Variants in SGCG observed in about 807,000 individuals in gnomAD.
The protein encoded by SGCG is sarcoglycan gamma, also known as gamma-sarcoglycan.
In SGCG, 26 loss-of-function variants were observed where a neutral mutation model predicts 29.3. That is an observed-to-expected ratio of 0.89 (90% CI 0.65 to 1.23). The LOEUF (loss-of-function observed/expected upper bound fraction) is 1.23. SGCG is among the 50% of genes most tolerant of loss of function. The pLI, the probability that SGCG is intolerant of heterozygous loss-of-function variation, is 0.00. For missense variants in SGCG, 353 were observed against 356.0 expected (o/e 0.99, Z 0.07); for synonymous variants, 145 against 129.7 (o/e 1.12, Z -0.80).
At chr13:23,259,612 T>G (rs2137583872) in intron 4 of SGCG, among the ~76,000 whole-genome samples, 1 of 152,322 alleles carries the variant, frequency 6.6e-6, no homozygotes, top group Non-Finnish European at 1.5e-5. Flanking sequence ...CTCTTGCTTC[T>G]CTAGTTCTTT....
rs9510675 is a variant in SGCG, at chr13:23,288,275, C to G, written c.506-7140C>G. ...TCACTCTGAGGACTGGAAAGAAAAT[C>G]CAATTCTTTGCTTCTTTTCTCCGCC... On this transcript the variant is annotated intron_variant, in intron 5 of 7. Transcript: ENST00000218867. Among the ~76,000 whole-genome samples the G allele has an allele frequency of 7.2e-5, 11 of 152,050 alleles. 1 individual carries two copies. In the East Asian group the frequency reaches 1.4e-3, roughly 19 times the overall value.
intron 5 of SGCG, among the ~76,000 whole-genome samples, chr13:23,285,768 A>G (rs1881473325): frequency 7.6e-6 from 1 of 131,850 alleles, no homozygotes; most frequent in South Asian, 2.6e-4. Flanking sequence ...CCTGGTCTGC[A>G]GGTTGCGAAG....
chr13:23,318,175 C>T (rs1182265025), intron 6 of SGCG, among the ~76,000 whole-genome samples: 1 of 147,398 alleles, frequency 6.8e-6, no homozygotes, highest in African/African-American at 2.4e-5. Flanking sequence ...TTAATAAACT[C>T]CCCTTCCTAC....
At chr13:23,316,592 A>G (rs1433071464) in intron 6 of SGCG, among the ~76,000 whole-genome samples, 1 of 152,164 alleles carries the variant, frequency 6.6e-6, no homozygotes, top group Non-Finnish European at 1.5e-5. Context: ...TCAGCGTCCA[A>G]TATGTGGTAC....
At chr13:23,241,821 G>A (rs1318152923) in intron 3 of SGCG, among the ~76,000 whole-genome samples, 2 of 152,130 alleles carry the variant, frequency 1.3e-5, no homozygotes, top group Non-Finnish European at 2.9e-5. Context: ...TCAATAGAAT[G>A]AAGGACAAAA....
intron 2 of SGCG, among the ~76,000 whole-genome samples, chr13:23,234,365 T>G (rs1436621242): frequency 6.6e-6 from 1 of 152,208 alleles, no homozygotes; most frequent in Non-Finnish European, 1.5e-5. Flanking sequence ...GGTGATGGGC[T>G]CTTGAGTATT....
chr13:23,271,480 T>A (rs1880875592), intron 4 of SGCG, among the ~76,000 whole-genome samples: 1 of 152,212 alleles, frequency 6.6e-6, no homozygotes, highest in Non-Finnish European at 1.5e-5. Flanking sequence ...TGAGCTGAAT[T>A]CAAAGCTGTC....
intron 5 of SGCG, among the ~76,000 whole-genome samples, chr13:23,282,163 T>C (rs1050207970): frequency 6.6e-6 from 1 of 152,204 alleles, no homozygotes; most frequent in Non-Finnish European, 1.5e-5. Context: ...GAGCAGACCA[T>C]AACTCTTCTC....
At chr13:23,206,013 A>G (rs1877967963) in intron 2 of SGCG, among the ~76,000 whole-genome samples, 1 of 152,212 alleles carries the variant, frequency 6.6e-6, no homozygotes, top group Non-Finnish European at 1.5e-5. Context: ...TAAATGACGT[A>G]ATTACCTTAG....
At chr13:23,269,874 GT>G (rs796558128) in intron 4 of SGCG, among the ~76,000 whole-genome samples, 2 of 97,576 alleles carry the variant, frequency 2.0e-5, no homozygotes, top group South Asian at 4.4e-4. Flanking sequence ...TGTTTTTTTT[GT>G]TTTTTTTGTT....
intron 6 of SGCG, among the ~76,000 whole-genome samples, chr13:23,309,248 CGAGA>C (rs201756388): frequency 2.0e-5 from 3 of 149,314 alleles, no homozygotes; most frequent in Non-Finnish European, 4.5e-5. Flanking sequence ...ATACATATGC[CGAGA>C]GAGAGAGAGA....
chr13:23,246,438 T>G, intron 3 of SGCG: 1 of 152,238 alleles, frequency 6.6e-6, no homozygotes, highest in East Asian at 1.9e-4. Flanking sequence ...AAGGCACCTT[T>G]ACCAAATTCA....
chr13:23,250,016 G>C (rs1879900018), intron 3 of SGCG, among the ~76,000 whole-genome samples: 1 of 152,132 alleles, frequency 6.6e-6, no homozygotes, highest in African/African-American at 2.4e-5. Context: ...ACATAAAATT[G>C]TGCTTTGAAA....
chr13:23,188,497 T>G (rs1170694333), intron 1 of SGCG, among the ~76,000 whole-genome samples: 2 of 107,970 alleles, frequency 1.9e-5, no homozygotes, highest in African/African-American at 2.7e-5. Flanking sequence ...TTTTTTTTTT[T>G]TTTTTGGGAC....
chr13:23,280,661 G>A (rs1881273130), intron 5 of SGCG, among the ~76,000 whole-genome samples: 1 of 152,170 alleles, frequency 6.6e-6, no homozygotes, highest in Non-Finnish European at 1.5e-5. Context: ...TCCTACCTCT[G>A]CAATTACTAG....
chr13:23,230,149 T>G (rs1355816597), intron 2 of SGCG, among the ~76,000 whole-genome samples: 3 of 152,226 alleles, frequency 2.0e-5, no homozygotes. Flanking sequence ...TGTGTCTGTT[T>G]TTGTACCAGT....
intron 4 of SGCG, among the ~76,000 whole-genome samples, chr13:23,260,212 A>G (rs57326358): frequency 0.1 from 15,325 of 152,182 alleles, 1,005 homozygotes; most frequent in Admixed American, 0.16. Flanking sequence ...GACTTGCTTT[A>G]TGAATCTGGG....
At chr13:23,317,350 A>G (rs1046250567) in intron 6 of SGCG, among the ~76,000 whole-genome samples, 6 of 152,152 alleles carry the variant, frequency 3.9e-5, no homozygotes, top group African/African-American at 1.4e-4. Flanking sequence ...AGGGCTACAA[A>G]CGGCCCAGAC....
chr13:23,324,738 C>T lies in SGCG; in HGVS notation c.*197C>T. On this transcript the variant is annotated 3_prime_UTR_variant, in exon 8 of 8. Transcript: ENST00000218867. ...TCTCAAAATGCACGTGGATGTGAGA[C>T]ACAAAAGTTGACAAAATGGAAAAGC... 3.3e-6 allele frequency: 2 copies of T among 599,994 alleles called. No individual in the cohort carries two copies. Among genetic ancestry groups the T allele is most frequent in the Non-Finnish European group, 6.0e-6 (2 of 335,168 alleles). The allele number at this position is 599,994 out of a possible 1,614,324, so 37.2% of individuals were successfully genotyped here. A position where few individuals can be genotyped will look rare whatever the true frequency, so the allele number is the denominator to read the frequency against.
Sources: allele counts gnomAD v4.1 joint callset (sites outside exome capture counted in the v4.1 genomes callset), GRCh38; gene constraint gnomAD v4.1.1; transcripts MANE v1.5; gene names NCBI Gene and HGNC (gene_info 2026-07-23, HGNC 2026-07-21).